The following IFT80 variants were observed in gnomAD, a reference collection of about 807,000 sequenced individuals.
The protein encoded by IFT80 is intraflagellar transport 80.
Under a neutral mutation model 107.9 loss-of-function variants are expected in IFT80, and 79 were observed. That is an observed-to-expected ratio of 0.73 (90% CI 0.61 to 0.88). The LOEUF is 0.88. Ranked by LOEUF, IFT80 falls within the 40% of genes least tolerant of loss-of-function variation. The probability of loss-of-function intolerance (pLI) is 0.00; values close to 1 mark genes in which losing one functional copy is unlikely to be tolerated. For missense variants in IFT80, 797 were observed against 914.2 expected, an observed-to-expected ratio of 0.87 and a Z score of 1.65; for synonymous variants, 299 against 300.9, an observed-to-expected ratio of 0.99 and a Z score of 0.07.
At chr3:160,303,522 A>G (rs1050817646) in intron 11 of IFT80, among the ~76,000 whole-genome samples, 2 of 152,228 alleles carry the variant, frequency 1.3e-5, no homozygotes, top group African/African-American at 2.4e-5. Context: ...ACTATGAGGT[A>G]AAAACTCTTT....
intron 8 of IFT80, among the ~76,000 whole-genome samples, chr3:160,326,052 G>A (rs999125909): frequency 1.3e-5 from 2 of 151,602 alleles, no homozygotes; most frequent in Non-Finnish European, 1.5e-5. Context: ...CATCACCCAG[G>A]TATTAAGCCC....
At chr3:160,364,599 A>G (rs1234962399) in intron 6 of IFT80, among the ~76,000 whole-genome samples, 1 of 152,208 alleles carries the variant, frequency 6.6e-6, no homozygotes, top group Admixed American at 6.5e-5. Flanking sequence ...CTTGGAACCA[A>G]TACAAATGTC....
At chr3:160,294,628 A>T (rs1465631008) in intron 12 of IFT80, among the ~76,000 whole-genome samples, 2 of 152,256 alleles carry the variant, frequency 1.3e-5, no homozygotes, top group African/African-American at 4.8e-5. Flanking sequence ...ATTCTCCATA[A>T]GTCATCAATA....
chr3:160,277,219 G>A, intron 18 of IFT80, 87 bp downstream of exon 18: 2 of 1,128,442 alleles, frequency 1.8e-6, no homozygotes, highest in Admixed American at 1.7e-5. Context: ...CTAAAATATA[G>A]TGGAAAATGT....
chr3:160,261,461 A>G (rs1249418212), intron 19 of IFT80, among the ~76,000 whole-genome samples: 2 of 142,678 alleles, frequency 1.4e-5, no homozygotes, highest in African/African-American at 5.2e-5. Flanking sequence ...AAATATATCT[A>G]GTATGCCAGA....
intron 8 of IFT80, among the ~76,000 whole-genome samples, chr3:160,327,185 C>T (rs1718733599): frequency 6.6e-6 from 1 of 152,042 alleles, no homozygotes; most frequent in Admixed American, 6.6e-5. Context: ...ATGACACAAA[C>T]AAATGGAAAA....
rs537970634 is a variant in IFT80, at chr3:160,348,686, CTAAG to C, written c.777+7323_777+7326del. ...TTCTAATAACCAAATTTTGATACCA[CTAAG>C]TGTCCATTAACTGATTAATAAACAA... On this transcript the variant is annotated intron_variant, in intron 8 of 19. Coordinates refer to ENST00000326448, the MANE Select transcript of IFT80 (RefSeq NM_020800.3). Among the ~76,000 whole-genome samples, 356 of 152,248 alleles carry C rather than the reference CTAAG, an allele frequency of 2.3e-3. 3 individuals are homozygous for C. The highest frequency in any genetic ancestry group is 7.9e-3 in the African/African-American group (329 of 41,554).
At chr3:160,390,828 G>T (rs996803932) in intron 1 of IFT80, among the ~76,000 whole-genome samples, 12 of 152,168 alleles carry the variant, frequency 7.9e-5, no homozygotes, top group African/African-American at 2.9e-4. Flanking sequence ...ATTCTGTGAG[G>T]GGTAGAAATG....
chr3:160,289,152 T>C (rs1715334064), intron 12 of IFT80, among the ~76,000 whole-genome samples: 1 of 152,214 alleles, frequency 6.6e-6, no homozygotes, highest in African/African-American at 2.4e-5. Context: ...ATCATGTTCT[T>C]TGTGGGAACG....
chr3:160,280,780 T>A lies in IFT80; in HGVS notation c.1551A>T (p.Thr517=), dbSNP rs1714628936. The change falls in exon 15 of 20, where the codon ACA becomes ACT. Residue 517 remains threonine, a synonymous_variant. Coordinates refer to ENST00000326448, the MANE Select transcript of IFT80 (RefSeq NM_020800.3). ...TMVHTLAWND[T]CNILCGLQDT... The stretch of plus-strand genomic sequence containing the variant: ...CTTGAAGTCCACAAAGGATATTGCA[T>A]GTATCGTTCCATGCCAAAGTATGCA... 1.2e-6 allele frequency: 2 copies of A among 1,613,424 alleles called. No individual in the cohort carries two copies. Among genetic ancestry groups the A allele is most frequent in the Non-Finnish European group, 1.7e-6 (2 of 1,179,564 alleles).
intron 8 of IFT80, among the ~76,000 whole-genome samples, chr3:160,321,563 T>C (rs1718220352): frequency 6.6e-6 from 1 of 151,984 alleles, no homozygotes; most frequent in South Asian, 2.1e-4. Flanking sequence ...AACCTATGCA[T>C]CCTATGTTTT....
chr3:160,352,221 C>A (rs1720762442), intron 8 of IFT80, among the ~76,000 whole-genome samples: 2 of 151,668 alleles, frequency 1.3e-5, no homozygotes, highest in Non-Finnish European at 1.5e-5. Context: ...GTATCGATCT[C>A]CTGACCTCGT....
Position 160,384,699 on chromosome 3 carries a change from C to T in IFT80, c.-46-53G>A, listed in dbSNP as rs142171868. 2.4e-3 allele frequency: 3,306 copies of T among 1,377,752 alleles called. 7 individuals are homozygous for T. Among genetic ancestry groups the T allele is most frequent in the Middle Eastern group, 0.016 (90 of 5,518 alleles). 85.3% of individuals were successfully genotyped at this position (1,377,752 alleles called of 1,614,324 possible). On this transcript the variant is annotated intron_variant, in intron 1 of 19. Coordinates refer to ENST00000326448, the MANE Select transcript of IFT80 (RefSeq NM_020800.3). Reference sequence around the variant, plus strand: ...AAAGTCAGCATTAAAAACAAATGTACGTATACAAACACAAAAGGCAAACAA... The same window carrying T: ...AAAGTCAGCATTAAAAACAAATGTATGTATACAAACACAAAAGGCAAACAA...
At chr3:160,278,260 G>A (rs562494159) in intron 16 of IFT80, among the ~76,000 whole-genome samples, 2 of 152,314 alleles carry the variant, frequency 1.3e-5, no homozygotes, top group African/African-American at 4.8e-5. Context: ...CCTGGGACTG[G>A]GGATGTTCAA....
chr3:160,278,915 G>A (rs556283669), intron 16 of IFT80, among the ~76,000 whole-genome samples: 10 of 152,236 alleles, frequency 6.6e-5, no homozygotes, highest in Non-Finnish European at 1.3e-4. Flanking sequence ...GAATCTCTAC[G>A]GGAGTAGAAC....
At position 160,259,729 on chromosome 3, in the gene IFT80, T is replaced by C. The variant is rs139330765; in HGVS notation, c.2224-1094A>G. Reference sequence around the variant, plus strand: ...GAATAGACTCTGCCCCTGAGTTCTATGAGCAACTTCTTTAGGAAAGCACAT... The same window carrying C: ...GAATAGACTCTGCCCCTGAGTTCTACGAGCAACTTCTTTAGGAAAGCACAT... On this transcript the variant is annotated intron_variant, in intron 19 of 19. Transcript: ENST00000326448. Among the ~76,000 whole-genome samples, 1,168 of 152,340 alleles carry C rather than the reference T, an allele frequency of 7.7e-3. 22 individuals carry two copies. Among genetic ancestry groups the C allele is most frequent in the African/African-American group, 0.027 (1,120 of 41,574 alleles).
intron 2 of IFT80, chr3:160,384,245 CA>C (rs201854757): frequency 0.071 from 12,583 of 176,110 alleles, 44 homozygotes; most frequent in African/African-American, 0.095. Context: ...GACTCTGTCT[CA>C]AAAAAAAAAA....
chr3:160,374,315 G>A (rs1428767324), intron 5 of IFT80, among the ~76,000 whole-genome samples: 1 of 151,644 alleles, frequency 6.6e-6, no homozygotes, highest in Non-Finnish European at 1.5e-5. Flanking sequence ...AAGCTGAGGT[G>A]GCAAGATCGA....
intron 8 of IFT80, among the ~76,000 whole-genome samples, chr3:160,352,014 G>C (rs1720742982): frequency 6.7e-6 from 1 of 148,358 alleles, no homozygotes; most frequent in South Asian, 2.1e-4. Flanking sequence ...TAACACAATA[G>C]TAATTTTTTT....
Sources: allele counts gnomAD v4.1 joint callset (sites outside exome capture counted in the v4.1 genomes callset), GRCh38; gene constraint gnomAD v4.1.1; transcripts MANE v1.5; gene names NCBI Gene and HGNC (gene_info 2026-07-23, HGNC 2026-07-21).